Variants in CNTN3 observed in about 807,000 individuals in gnomAD.
CNTN3 encodes contactin 3.
A neutral mutation model predicts 119.1 loss-of-function variants in CNTN3; 60 were observed. The ratio of observed to expected loss-of-function variants is 0.50; its 90% CI spans 0.41 to 0.62. CNTN3 has a LOEUF of 0.62. Among genes scored for constraint, CNTN3 ranks in the 20% least tolerant of loss-of-function variants. CNTN3 has a pLI of 0.00. For synonymous variants in CNTN3, 450 were observed against 438.7 expected, an observed-to-expected ratio of 1.03 and a Z score of -0.32; for missense variants, 1,101 against 1,242.4, an observed-to-expected ratio of 0.89 and a Z score of 1.71.
chr3:74,474,565 C>T (rs1702619723), intron 4 of CNTN3, among the ~76,000 whole-genome samples: 1 of 152,084 alleles, frequency 6.6e-6, no homozygotes, highest in South Asian at 2.1e-4. Context: ...ACGAACTCAG[C>T]TCACTGCAAC....
chr3:74,363,397 TCTCTGTC>T (rs1235193514), intron 10 of CNTN3, among the ~76,000 whole-genome samples: 1 of 152,150 alleles, frequency 6.6e-6, no homozygotes, highest in Non-Finnish European at 1.5e-5. Context: ...TTTAGCAGCC[TCTCTGTC>T]CTTCACCCAC....
intron 13 of CNTN3, among the ~76,000 whole-genome samples, chr3:74,305,499 C>A (rs571003079): frequency 4.3e-4 from 66 of 152,164 alleles, no homozygotes; most frequent in African/African-American, 1.6e-3. Context: ...AAAATAGAAA[C>A]AACCCTGTAA....
intron 1 of CNTN3, among the ~76,000 whole-genome samples, chr3:74,528,264 T>C (rs1392761113): frequency 1.3e-5 from 2 of 151,984 alleles, no homozygotes; most frequent in African/African-American, 4.8e-5. Context: ...CTACATAACA[T>C]TCCTTGCCAC....
chr3:74,356,473 C>G (rs929810114), intron 11 of CNTN3, among the ~76,000 whole-genome samples: 1 of 152,042 alleles, frequency 6.6e-6, no homozygotes, highest in African/African-American at 2.4e-5. Context: ...TAAGAGCCTT[C>G]CTAGGTGATT....
In CNTN3 at chr3:74,365,589, T is replaced by A; in HGVS notation, c.1060A>T (p.Asn354Tyr). Residue 354 changes from asparagine to tyrosine, a missense_variant, in exon 9 of 23, where the codon AAT becomes TAT. Physicochemically the swap from Asn to Tyr is moderately radical, Grantham distance 143. Transcript: ENST00000263665. Reference protein sequence around the residue: ...KPKPSYRWLKNGAALVLEERT... With the variant: ...KPKPSYRWLKYGAALVLEERT... ...ACCTCTAGCACCAGGGCTGCTCCATTTTTCAGCCATCGGTAGGAAGGCTTG... is the reference window on the plus strand; with the variant it reads ...ACCTCTAGCACCAGGGCTGCTCCATATTTCAGCCATCGGTAGGAAGGCTTG... The A allele has an allele frequency of 6.2e-7, 1 of 1,613,430 alleles. No individual in the cohort carries two copies. Among genetic ancestry groups the A allele is most frequent in the Non-Finnish European group, 8.5e-7 (1 of 1,179,526 alleles).
chr3:74,550,837 G>A (rs188623210), intron 1 of CNTN3, among the ~76,000 whole-genome samples: 7 of 152,256 alleles, frequency 4.6e-5, no homozygotes, highest in Middle Eastern at 3.4e-3. Flanking sequence ...CCACTGTACC[G>A]GCCAGCAGCC....
intron 2 of CNTN3, among the ~76,000 whole-genome samples, chr3:74,519,813 GT>G (rs1478578323): frequency 2.6e-5 from 4 of 151,560 alleles, no homozygotes; most frequent in Non-Finnish European, 5.9e-5. Flanking sequence ...CAATGAAAAT[GT>G]TTTAGGAACA....
intron 1 of CNTN3, among the ~76,000 whole-genome samples, chr3:74,546,556 C>T (rs1186876948): frequency 6.6e-6 from 1 of 152,170 alleles, no homozygotes; most frequent in Non-Finnish European, 1.5e-5. Flanking sequence ...TTCAGGCCTA[C>T]ATCTTTTTCC....
chr3:74,371,103 T>C (rs1704326997), intron 6 of CNTN3, 93 bp downstream of exon 6: 2 of 853,282 alleles, frequency 2.3e-6, no homozygotes, highest in African/African-American at 3.4e-5. Context: ...GTGACAATTC[T>C]TCTAGATGTA....
At chr3:74,287,088 C>G (rs1352617038) in intron 19 of CNTN3, among the ~76,000 whole-genome samples, 3 of 152,176 alleles carry the variant, frequency 2.0e-5, no homozygotes, top group Non-Finnish European at 1.5e-5. Flanking sequence ...AAAATGCCTC[C>G]CTCCTTCCTA....
rs114570505 is a variant in CNTN3, at chr3:74,551,661, A to G, written c.-80-30469T>C. 8.1e-3 allele frequency among the ~76,000 whole-genome samples: 1,215 copies of G among 149,400 alleles called. 17 individuals are homozygous for G. Among genetic ancestry groups the G allele is most frequent in the African/African-American group, 0.029 (1,158 of 40,436 alleles). On this transcript the variant is annotated intron_variant, in intron 1 of 22. Coordinates refer to ENST00000263665, the MANE Select transcript of CNTN3 (RefSeq NM_020872.3). The stretch of plus-strand genomic sequence containing the variant: ...TCCATCTAACCCTTGGCAACTATTA[A>G]TCTTTTTACTGTCTATATAGTTTTG...
At chr3:74,306,308 A>C (rs541348680) in intron 13 of CNTN3, among the ~76,000 whole-genome samples, 1 of 152,076 alleles carries the variant, frequency 6.6e-6, no homozygotes, top group African/African-American at 2.4e-5. Context: ...ATAAACTTGC[A>C]TCTAATATTT....
chr3:74,478,965 T>TA (rs1196894317), intron 4 of CNTN3, among the ~76,000 whole-genome samples: 2 of 152,004 alleles, frequency 1.3e-5, no homozygotes, highest in Non-Finnish European at 2.9e-5. Context: ...TCTTAAATTG[T>TA]AAAAAATATT....
intron 11 of CNTN3, among the ~76,000 whole-genome samples, chr3:74,343,409 A>C (rs1703598475): frequency 6.6e-6 from 1 of 152,264 alleles, no homozygotes. Flanking sequence ...GGGAGTCATT[A>C]GAGAAATATC....
chr3:74,266,701 T>C, intron 21 of CNTN3, 52 bp from the exon 22 acceptor site: 2 of 1,550,018 alleles, frequency 1.3e-6, no homozygotes, highest in Non-Finnish European at 1.8e-6. Context: ...ATTTTTGTTT[T>C]CTTCATAGAA....
chr3:74,264,471 A>G lies in CNTN3; in HGVS notation c.3017T>C (p.Ile1006Thr), dbSNP rs1701630807. ...SMDARGSTSA[I>T]SNVHPMSSYM... ...ACTTGACATAGGGTGGACATTCGAG[A>G]TGGCTGAAGTGGATCCTCTTGCATC... The change falls in exon 23 of 23, where the codon ATC (isoleucine) becomes ACC (threonine). Residue 1006 changes from isoleucine (I) to threonine (T), a missense_variant. Coordinates refer to ENST00000263665, the MANE Select transcript of CNTN3 (RefSeq NM_020872.3). 6.2e-7 allele frequency: 1 copy of G among 1,612,216 alleles called. No individual in the cohort carries two copies. The highest frequency in any genetic ancestry group is 1.3e-5 in the African/African-American group (1 of 74,846).
chr3:74,584,715 T>C (rs936214357), intron 1 of CNTN3, among the ~76,000 whole-genome samples: 1 of 152,214 alleles, frequency 6.6e-6, no homozygotes, highest in Non-Finnish European at 1.5e-5. Flanking sequence ...GCAATGTACT[T>C]TGACGTGTTA....
rs1443082819 is a variant in CNTN3, at chr3:74,614,507, G to C, written c.-197C>G. 6.9e-6 allele frequency among the ~76,000 whole-genome samples: 1 copy of C among 144,878 alleles called. No individual in the cohort carries two copies. The highest frequency in any genetic ancestry group is 2.5e-5 in the African/African-American group (1 of 40,040). ...TAGTCCGGGCCCGGGGGGCCGCCGT[G>C]CGCGCCCGCGTAAGCCGCCGCCGCC... On this transcript the variant is annotated 5_prime_UTR_variant, in exon 1 of 23. Transcript: ENST00000263665.
In CNTN3 at chr3:74,387,805, G is replaced by A. The variant is rs143056639; in HGVS notation, c.455-16406C>T. On this transcript the variant is annotated intron_variant, in intron 5 of 22. Transcript: ENST00000263665. ...ATGCTCATCCCCATGCCATTGTTTTGGGTGGTATCCAGATATTAATTGAAA... is the reference window on the plus strand; with the variant it reads ...ATGCTCATCCCCATGCCATTGTTTTAGGTGGTATCCAGATATTAATTGAAA... 4.7e-3 allele frequency among the ~76,000 whole-genome samples: 723 copies of A among 152,228 alleles called. 12 individuals carry two copies. The highest frequency in any genetic ancestry group is 0.017 in the African/African-American group (687 of 41,542).
Sources: gnomAD v4.1 joint callset for allele counts (sites outside exome capture counted in the v4.1 genomes callset) on GRCh38, gnomAD v4.1.1 for gene constraint, MANE v1.5 for transcripts, NCBI Gene and HGNC (gene_info 2026-07-23, HGNC 2026-07-21) for gene names.